DNAH17: variants seen among roughly 807,000 people sequenced by gnomAD.
The protein encoded by DNAH17 is axonemal beta dynein heavy chain 17.
Under a neutral mutation model 485.6 loss-of-function variants are expected in DNAH17, and 376 were observed. The observed-to-expected ratio is 0.77, with a 90% CI of 0.71 to 0.84. DNAH17 has a LOEUF of 0.84. Ranked by LOEUF, DNAH17 falls within the 40% of genes least tolerant of loss-of-function variation. The pLI, the probability that DNAH17 is intolerant of heterozygous loss-of-function variation, is 0.00. For missense variants in DNAH17, 6,370 were observed against 5,839.3 expected (o/e 1.09, Z -2.96); for synonymous variants, 3,031 against 2,405.9 (o/e 1.26, Z -7.60).
intron 22 of DNAH17, among the ~76,000 whole-genome samples, chr17:78,527,745 A>G (rs1008817300): frequency 3.9e-5 from 6 of 152,226 alleles, no homozygotes; most frequent in South Asian, 4.1e-4. Flanking sequence ...AGTTCCCCAC[A>G]CTTGGGTAAA....
At chr17:78,545,860 A>G (rs553538449) in intron 16 of DNAH17, among the ~76,000 whole-genome samples, 2 of 152,298 alleles carry the variant, frequency 1.3e-5, no homozygotes, top group East Asian at 3.8e-4. Flanking sequence ...TTGATTTTGT[A>G]TGGTTAGCTA....
At chr17:78,458,374 A>T in intron 62 of DNAH17, 191 bp downstream of exon 62, 2 of 599,560 alleles carry the variant, frequency 3.3e-6, no homozygotes, top group South Asian at 4.0e-5. Flanking sequence ...GCGACAGGGC[A>T]TATTTTGTGG....
intron 16 of DNAH17, among the ~76,000 whole-genome samples, chr17:78,547,996 T>G (rs2091810955): frequency 6.6e-6 from 1 of 152,184 alleles, no homozygotes; most frequent in Admixed American, 6.5e-5. Flanking sequence ...GTTATTTCCC[T>G]TTGCATATTA....
At chr17:78,548,224 A>G (rs1417585639) in intron 16 of DNAH17, among the ~76,000 whole-genome samples, 1 of 12,582 alleles carries the variant, frequency 7.9e-5, no homozygotes, top group Non-Finnish European at 1.6e-4. Flanking sequence ...TTTTTTTTGG[A>G]GACAGAGTCT....
intron 16 of DNAH17, among the ~76,000 whole-genome samples, chr17:78,544,317 G>C (rs1230149458): frequency 1.3e-5 from 2 of 152,184 alleles, no homozygotes; most frequent in East Asian, 3.8e-4. Flanking sequence ...CTCTCTTTAG[G>C]GGGACGGAAG....
chr17:78,444,541 CG>C, intron 71 of DNAH17, 62 bp downstream of exon 71: 3 of 1,456,332 alleles, frequency 2.1e-6, no homozygotes, highest in Non-Finnish European at 2.7e-6. Context: ...CACAGCCGCT[CG>C]GTCAAGCTTC....
At chr17:78,461,394 G>T (rs1017188214) in intron 58 of DNAH17, 150 bp downstream of exon 58, 2 of 809,184 alleles carry the variant, frequency 2.5e-6, no homozygotes, top group African/African-American at 1.8e-5. Flanking sequence ...AGACTCCTTC[G>T]GGGGTCCCAC....
At chr17:78,534,116 G>A (rs193214975) in intron 19 of DNAH17, among the ~76,000 whole-genome samples, 99 of 152,328 alleles carry the variant, frequency 6.5e-4, no homozygotes, top group Non-Finnish European at 1.1e-3. Flanking sequence ...CAAACCAGCC[G>A]ACCCTCAACC....
In DNAH17 at chr17:78,560,945, G is replaced by C. The variant is rs368146556; in HGVS notation, c.1836-10C>G. ...TGCTCCAGACATGACCCTGGAATCA[G>C]AGCGGGAAGGCGAGGCCCCACTGGA... On this transcript the variant is annotated splice_polypyrimidine_tract_variant and intron_variant, in intron 12 of 80. Transcript: ENST00000389840. 3.3e-4 allele frequency: 510 copies of C among 1,544,752 alleles called. 1 individual carries two copies. Among genetic ancestry groups the C allele is most frequent in the Middle Eastern group, 8.4e-4 (5 of 5,984 alleles).
intron 18 of DNAH17, among the ~76,000 whole-genome samples, chr17:78,538,186 G>A (rs1035645224): frequency 6.7e-5 from 10 of 149,964 alleles, no homozygotes; most frequent in Admixed American, 4.7e-4. Context: ...TGTTTCCATT[G>A]TTCTGGGTTA....
rs1252495437 is a variant in DNAH17, at chr17:78,566,882, T to C, written c.1452+117A>G. 3.7e-6 allele frequency: 5 copies of C among 1,368,726 alleles called. No individual in the cohort carries two copies. The East Asian group carries it at 1.2e-4, about 34-fold the overall frequency. The allele number at this position is 1,368,726 out of a possible 1,614,324, so 84.8% of individuals were successfully genotyped here. A position where few individuals can be genotyped will look rare whatever the true frequency, so the allele number is the denominator to read the frequency against. ...CCGCTCTACACAGTTTTCAAAGTGT[T>C]GGGATCACCTGGCACCTGCTTCCTC... On this transcript the variant is annotated intron_variant, in intron 10 of 80. Coordinates refer to ENST00000389840, the MANE Select transcript of DNAH17 (RefSeq NM_173628.4).
chr17:78,501,499 C>T (rs2090288419), intron 34 of DNAH17, 155 bp from the exon 35 acceptor site: 1 of 1,031,288 alleles, frequency 9.7e-7, no homozygotes, highest in Admixed American at 2.9e-5. Context: ...AACTGTATGG[C>T]CACCCTCAGT....
chr17:78,445,574 C>G lies in DNAH17; in HGVS notation c.11318G>C (p.Gly3773Ala), dbSNP rs534363109. 9.0e-6 allele frequency: 14 copies of G among 1,562,180 alleles called. No homozygotes were observed. The highest frequency in any genetic ancestry group is 5.9e-5 in the South Asian group (5 of 84,808). The change falls in exon 70 of 81, where the codon GGC becomes GCC. Residue 3773 changes from glycine to alanine, a missense_variant. By Grantham distance (60) the Gly-to-Ala change is moderately conservative. Transcript: ENST00000389840. ...AAGACGAACCTTGATCCCGCCCCAG[C>G]CTTGATGCTGGAGGAAGTCCACTGG... is the stretch of plus-strand genomic sequence containing the variant. ...VSPVDFLQHQ[G>A]WGGIKALSEM...
Position 78,451,509 on chromosome 17 carries a change from G to A in DNAH17, c.10694C>T (p.Ala3565Val), listed in dbSNP as rs749407947. The A allele has an allele frequency of 1.9e-6, 3 of 1,613,660 alleles. No individual in the cohort carries two copies. In the African/African-American group the frequency reaches 4.0e-5, roughly 22 times the overall value. The stretch of plus-strand genomic sequence containing the variant: ...ATCTGGGCGCTCTTTGGCCACCACA[G>A]CGGCCAAGAGTTGGTCCTCGAGTCC... Reference protein sequence around the residue: ...RDGLEDQLLAAVVAKERPDLE... With the variant: ...RDGLEDQLLAVVVAKERPDLE... The change falls in exon 66 of 81, where the codon GCT (alanine) becomes GTT (valine). Residue 3565 changes from alanine to valine, a missense_variant. Ala to Val is a moderately conservative substitution (Grantham distance 64). Coordinates refer to ENST00000389840, the MANE Select transcript of DNAH17 (RefSeq NM_173628.4).
intron 62 of DNAH17, among the ~76,000 whole-genome samples, chr17:78,457,306 G>A (rs1420437471): frequency 1.3e-5 from 2 of 152,126 alleles, no homozygotes; most frequent in Non-Finnish European, 2.9e-5. Flanking sequence ...GGGAGATGGA[G>A]GTTGCAGTGA....
rs756421317 is a variant in DNAH17 at position 78,490,823 on chromosome 17, G to A, written c.6694C>T (p.Arg2232Trp). ...NKVLTLASNE[R>W]IPLNRTMRLV... is the part of the protein sequence containing the mutation. ...CTCATGGTGCGGTTCAGGGGGATCCGCTCGTTGCTGGCCAGGGTGAGGACC... is the reference window on the plus strand; with the variant it reads ...CTCATGGTGCGGTTCAGGGGGATCCACTCGTTGCTGGCCAGGGTGAGGACC... Residue 2232 changes from arginine to tryptophan, a missense_variant, in exon 44 of 81, where the codon CGG becomes TGG. Transcript: ENST00000389840. The A allele has an allele frequency of 3.1e-5, 49 of 1,601,908 alleles. No individual in the cohort carries two copies. The highest frequency in any genetic ancestry group is 3.7e-5 in the Non-Finnish European group (44 of 1,174,284).
chr17:78,528,857 G>A (rs1433575440), intron 22 of DNAH17, among the ~76,000 whole-genome samples: 1 of 151,536 alleles, frequency 6.6e-6, no homozygotes, highest in Non-Finnish European at 1.5e-5. Flanking sequence ...GGGTCCCCCT[G>A]ACCTTGTTCT....
At chr17:78,564,680 G>T (rs1162813559) in intron 11 of DNAH17, among the ~76,000 whole-genome samples, 1 of 152,158 alleles carries the variant, frequency 6.6e-6, no homozygotes, top group East Asian at 1.9e-4. Context: ...CTTGTCAAGA[G>T]CCAGTTGTGC....
intron 17 of DNAH17, among the ~76,000 whole-genome samples, chr17:78,542,579 C>T (rs932406844): frequency 6.6e-6 from 1 of 152,082 alleles, no homozygotes; most frequent in African/African-American, 2.4e-5. Context: ...ATATGAAAAC[C>T]CCTACAATAC....
Sources: allele counts gnomAD v4.1 joint callset (sites outside exome capture counted in the v4.1 genomes callset), GRCh38; gene constraint gnomAD v4.1.1; transcripts MANE v1.5; gene names NCBI Gene and HGNC (gene_info 2026-07-23, HGNC 2026-07-21).